The following CCDC88A variants were observed in gnomAD, a reference collection of about 807,000 sequenced individuals.
The protein encoded by CCDC88A is girdin.
CCDC88A carries 54 observed loss-of-function variants against 234.3 expected under a neutral mutation model. That is an observed-to-expected ratio of 0.23 (90% CI 0.19 to 0.29). The LOEUF (loss-of-function observed/expected upper bound fraction) is 0.29. CCDC88A is among the 10% of genes least tolerant of loss of function. The pLI, the probability that CCDC88A is intolerant of heterozygous loss-of-function variation, is 1.00. For missense variants in CCDC88A, 1,832 were observed against 2,123.4 expected (o/e 0.86, Z 2.70); for synonymous variants, 753 against 737.8 (o/e 1.02, Z -0.33).
chr2:55,329,350 T>A (rs1348131718), intron 16 of CCDC88A: 16 of 152,210 alleles, frequency 1.1e-4, no homozygotes, highest in Admixed American at 1.0e-3. Flanking sequence ...AAACCTAAAG[T>A]ATGTATATGA....
At chr2:55,310,141 T>C (rs186545112) in intron 23 of CCDC88A, among the ~76,000 whole-genome samples, 1 of 152,212 alleles carries the variant, frequency 6.6e-6, no homozygotes, top group Non-Finnish European at 1.5e-5. Context: ...TTGAATGTTA[T>C]AGGCTGAGAG....
At chr2:55,336,918 T>C (rs1288115089) in intron 13 of CCDC88A, 100 bp from the exon 14 acceptor site, 5 of 679,740 alleles carry the variant, frequency 7.4e-6, no homozygotes, top group Non-Finnish European at 9.4e-6. Context: ...TAAAATAGTG[T>C]TAATATCCAA....
chr2:55,344,362 A>G lies in CCDC88A; in HGVS notation c.1188+6T>C. On this transcript the variant is annotated splice_donor_region_variant and intron_variant, in intron 11 of 32. Coordinates refer to ENST00000436346, the MANE Select transcript of CCDC88A (RefSeq NM_001365480.1). ...CCATGTAACTGATCTACCTCTTAAA[A>G]CTTACCATTTCCATATCATGAAGTT... The G allele has an allele frequency of 6.4e-7, 1 of 1,563,712 alleles. No individual in the cohort carries two copies. Among genetic ancestry groups the G allele is most frequent in the Non-Finnish European group, 8.7e-7 (1 of 1,155,746 alleles).
At chr2:55,304,484 T>C (rs1681290414) in intron 25 of CCDC88A, among the ~76,000 whole-genome samples, 1 of 152,078 alleles carries the variant, frequency 6.6e-6, no homozygotes, top group African/African-American at 2.4e-5. Context: ...TTAAGTTCAT[T>C]TTACAAAAGA....
rs1684542864 is a variant in CCDC88A, at chr2:55,328,643, A to T, written c.2856-208T>A. On this transcript the variant is annotated intron_variant, in intron 16 of 32. Coordinates refer to ENST00000436346, the MANE Select transcript of CCDC88A (RefSeq NM_001365480.1). The surrounding 1 kb of genome is among the most constrained non-coding windows in gnomAD (Gnocchi z 4.3). ...GAAGCAACAAAATCATTGAGTGAAC[A>T]GAGCTCCGGATTATGGCTTAGATTA... The T allele has an allele frequency of 2.7e-6, 1 of 375,062 alleles. No individual in the cohort carries two copies. Among genetic ancestry groups the T allele is most frequent in the Admixed American group, 4.7e-5 (1 of 21,218 alleles). The allele number at this position is 375,062 out of a possible 1,614,324, so 23.2% of individuals were successfully genotyped here.
chr2:55,321,662 T>C (rs554169600), intron 18 of CCDC88A, among the ~76,000 whole-genome samples: 1 of 152,250 alleles, frequency 6.6e-6, no homozygotes, highest in South Asian at 2.1e-4. Flanking sequence ...GAAATACATA[T>C]ACATCTGCTA....
At chr2:55,401,509 T>C (rs1347976090) in intron 2 of CCDC88A, among the ~76,000 whole-genome samples, 224 of 1,458 alleles carry the variant, frequency 0.15, 8 homozygotes, top group Middle Eastern at 0.5. Context: ...CATATATATA[T>C]ATATATATAT....
intron 10 of CCDC88A, among the ~76,000 whole-genome samples, 173 bp from the exon 11 acceptor site, chr2:55,344,687 T>C (rs751300448): frequency 6.6e-6 from 1 of 152,128 alleles, no homozygotes; most frequent in African/African-American, 2.4e-5. Context: ...TACCCCAGAA[T>C]GCAAACAAAA....
intron 28 of CCDC88A, chr2:55,300,724 T>A (rs1244629515): frequency 1.3e-5 from 2 of 153,002 alleles, no homozygotes; most frequent in African/African-American, 2.4e-5. Context: ...TTGGCCAGGC[T>A]GGTCTCGAAC....
Position 55,346,221 on chromosome 2 carries a change from T to C in CCDC88A, c.995A>G (p.Tyr332Cys). Residue 332 changes from tyrosine (Y) to cysteine (C), a missense_variant, in exon 10 of 33, where the codon TAT becomes TGT. By Grantham distance (194) the Tyr-to-Cys change is radical (BLOSUM62 -2). Transcript: ENST00000436346. ...TTCAATATCATGTAGTCTCTCTTTATATCTGCTGACTTCACTTTCAAGCTT... is the reference window on the plus strand; with the variant it reads ...TTCAATATCATGTAGTCTCTCTTTACATCTGCTGACTTCACTTTCAAGCTT... ...VDKLESEVSRYKERLHDIEFY... is the reference protein window; with the variant it reads ...VDKLESEVSRCKERLHDIEFY... 1 of 1,611,896 alleles carries C rather than the reference T, an allele frequency of 6.2e-7. No individual in the cohort carries two copies. Among genetic ancestry groups the C allele is most frequent in the Non-Finnish European group, 8.5e-7 (1 of 1,178,424 alleles).
chr2:55,416,443 A>AATATATATATAT (rs60840841), intron 2 of CCDC88A, among the ~76,000 whole-genome samples: 8 of 15,786 alleles, frequency 5.1e-4, no homozygotes, highest in East Asian at 2.7e-3. Context: ...TAAATAAATA[A>AATATATATATAT]ATATATATAT....
At chr2:55,363,845 A>G in intron 6 of CCDC88A, 105 bp downstream of exon 6, 2 of 571,568 alleles carry the variant, frequency 3.5e-6, no homozygotes, top group Non-Finnish European at 6.0e-6. Context: ...ATATTTGTTG[A>G]TTTGTTCTTG....
In CCDC88A at chr2:55,375,594, CTT is replaced by C. The variant is rs1274411432; in HGVS notation, c.274-713_274-712del. On this transcript the variant is annotated intron_variant, in intron 3 of 32. Transcript: ENST00000436346. ...CCTGGCTGTAGTGCAGTGGTGTGAT[CTT>C]GACTCACTGCAACCTCCGCCTCCTG... 8.1e-5 allele frequency among the ~76,000 whole-genome samples: 12 copies of C among 148,922 alleles called. No individual in the cohort carries two copies. In the East Asian group the frequency reaches 2.4e-3, roughly 30 times the overall value.
chr2:55,368,992 T>G (rs1263444820), intron 5 of CCDC88A, among the ~76,000 whole-genome samples: 1 of 152,200 alleles, frequency 6.6e-6, no homozygotes, highest in Non-Finnish European at 1.5e-5. Context: ...TGGTCACACA[T>G]TTTATATTAT....
chr2:55,386,049 C>T (rs945281369), intron 3 of CCDC88A, among the ~76,000 whole-genome samples: 1 of 150,492 alleles, frequency 6.6e-6, no homozygotes, highest in Non-Finnish European at 1.5e-5. Context: ...TATGATGAAA[C>T]CTGTCTCTAC....
At chr2:55,362,773 A>G (rs1671488937) in intron 6 of CCDC88A, among the ~76,000 whole-genome samples, 1 of 152,012 alleles carries the variant, frequency 6.6e-6, no homozygotes, top group South Asian at 2.1e-4. Context: ...AATTCTGTAG[A>G]TAAGACTTCT....
chr2:55,384,376 A>G (rs1675109352), intron 3 of CCDC88A, among the ~76,000 whole-genome samples: 1 of 149,982 alleles, frequency 6.7e-6, no homozygotes, highest in African/African-American at 2.4e-5. Context: ...TAACAGTGCT[A>G]ATTTCCTGGC....
chr2:55,352,493 T>C (rs940374202), intron 8 of CCDC88A, among the ~76,000 whole-genome samples: 1 of 151,918 alleles, frequency 6.6e-6, no homozygotes, highest in Admixed American at 6.6e-5. Flanking sequence ...TACAACTCTA[T>C]GAATAAACTC....
intron 16 of CCDC88A, among the ~76,000 whole-genome samples, chr2:55,330,615 A>C (rs1433737759): frequency 6.6e-6 from 1 of 152,146 alleles, no homozygotes; most frequent in Non-Finnish European, 1.5e-5. Context: ...TTGTGACATA[A>C]AGACTAACTT....
Sources: gnomAD v4.1 joint callset for allele counts (sites outside exome capture counted in the v4.1 genomes callset) on GRCh38, gnomAD v4.1.1 for gene constraint, Gnocchi (gnomAD v3.1) non-coding constraint, MANE v1.5 for transcripts, NCBI Gene and HGNC (gene_info 2026-07-23, HGNC 2026-07-21) for gene names.